The following NCK1 variants were observed in gnomAD, a reference collection of about 807,000 sequenced individuals.
The protein encoded by NCK1 is SH2/SH3 adapter protein NCK1.
NCK1 carries 19 observed loss-of-function variants against 36.6 expected under a neutral mutation model. The observed-to-expected ratio is 0.52, with a 90% confidence interval of 0.36 to 0.76. NCK1 has a LOEUF of 0.76. Ranked by LOEUF, NCK1 falls within the 30% of genes least tolerant of loss-of-function variation. NCK1 has a pLI of 0.00. For synonymous variants in NCK1, 165 were observed against 156.0 expected, an observed-to-expected ratio of 1.06 and a Z score of -0.43; for missense variants, 358 against 445.6, an observed-to-expected ratio of 0.80 and a Z score of 1.77.
chr3:136,898,108 G>C (rs1939436960), intron 1 of NCK1, among the ~76,000 whole-genome samples: 1 of 152,084 alleles, frequency 6.6e-6, no homozygotes, highest in Non-Finnish European at 1.5e-5. Flanking sequence ...GAAGCAGGTG[G>C]CTGTTGGTGG....
chr3:136,898,789 G>C (rs1341536859), intron 1 of NCK1, among the ~76,000 whole-genome samples: 1 of 152,164 alleles, frequency 6.6e-6, no homozygotes, highest in East Asian at 1.9e-4. Flanking sequence ...AGAAAAGAAC[G>C]GCATGTGATG....
At chr3:136,877,208 AT>A (rs1486509620) in intron 1 of NCK1, among the ~76,000 whole-genome samples, 1 of 152,208 alleles carries the variant, frequency 6.6e-6, no homozygotes, top group African/African-American at 2.4e-5. Context: ...CAGAATGCAG[AT>A]TGTTTTTAAG....
chr3:136,929,653 C>T (rs1560050571), intron 2 of NCK1, among the ~76,000 whole-genome samples: 1 of 152,152 alleles, frequency 6.6e-6, no homozygotes, highest in Non-Finnish European at 1.5e-5. Flanking sequence ...AAGGTAATTT[C>T]TGTCAAGAAA....
chr3:136,912,041 A>G (rs1362824692), intron 1 of NCK1, among the ~76,000 whole-genome samples: 1 of 151,818 alleles, frequency 6.6e-6, no homozygotes, highest in African/African-American at 2.4e-5. Flanking sequence ...TTTTGGATAG[A>G]TTATAATGTG....
chr3:136,913,053 C>T (rs1174625644), intron 1 of NCK1, among the ~76,000 whole-genome samples: 1 of 152,014 alleles, frequency 6.6e-6, no homozygotes, highest in Non-Finnish European at 1.5e-5. Flanking sequence ...TCTTTGAACA[C>T]CTTTAAGGTA....
At chr3:136,935,713 T>G (rs931215792) in intron 2 of NCK1, among the ~76,000 whole-genome samples, 3 of 152,236 alleles carry the variant, frequency 2.0e-5, no homozygotes, top group Non-Finnish European at 4.4e-5. Context: ...AATTTTTTTA[T>G]GAGGTAAAAT....
chr3:136,904,703 C>T (rs1199176474), intron 1 of NCK1, among the ~76,000 whole-genome samples: 1 of 152,102 alleles, frequency 6.6e-6, no homozygotes, highest in East Asian at 1.9e-4. Flanking sequence ...TGTTGCTAGA[C>T]TTGGAAAATT....
At chr3:136,918,549 A>G (rs867277308) in intron 1 of NCK1, among the ~76,000 whole-genome samples, 1 of 152,202 alleles carries the variant, frequency 6.6e-6, no homozygotes, top group South Asian at 2.1e-4. Context: ...GGAGGAGGAA[A>G]CTGGCACTGA....
chr3:136,885,023 G>T (rs899338650), intron 1 of NCK1, among the ~76,000 whole-genome samples: 2 of 151,992 alleles, frequency 1.3e-5, no homozygotes, highest in Non-Finnish European at 2.9e-5. Flanking sequence ...GCCTGCTGAA[G>T]TTCTTATGTT....
chr3:136,936,389 T>C (rs552509332), intron 2 of NCK1, among the ~76,000 whole-genome samples: 1 of 152,348 alleles, frequency 6.6e-6, no homozygotes, highest in South Asian at 2.1e-4. Context: ...TATCCACTCA[T>C]CTGTTCATAG....
chr3:136,948,450 A>G lies in NCK1; in HGVS notation c.1131A>G (p.Ser377=), dbSNP rs1940886586. The change falls in exon 4 of 4, where the codon TCA becomes TCG. Residue 377 remains serine (S), a synonymous_variant. Coordinates refer to ENST00000481752, the MANE Select transcript of NCK1 (RefSeq NM_001291999.2). The part of the protein sequence containing the change: ...GEKLYLVKHL[S] Reference sequence around the variant, plus strand: ...AATTATATCTTGTCAAGCATTTATCATGATACTGCTGACCAGAAGTGACTG... The same window carrying G: ...AATTATATCTTGTCAAGCATTTATCGTGATACTGCTGACCAGAAGTGACTG... The G allele has an allele frequency of 1.9e-6, 3 of 1,610,956 alleles. No individual in the cohort carries two copies. Among genetic ancestry groups the G allele is most frequent in the African/African-American group, 1.3e-5 (1 of 74,810 alleles).
intron 1 of NCK1, among the ~76,000 whole-genome samples, chr3:136,890,523 G>A (rs998716636): frequency 3.3e-5 from 5 of 152,248 alleles, no homozygotes; most frequent in Non-Finnish European, 5.9e-5. Context: ...TGCCAAGAGC[G>A]AGCGAGGGCT....
At chr3:136,937,947 G>T (rs1241294862) in intron 2 of NCK1, among the ~76,000 whole-genome samples, 1 of 78,422 alleles carries the variant, frequency 1.3e-5, no homozygotes, top group East Asian at 7.9e-4. Flanking sequence ...AATAAAAGTG[G>T]TGGAAGGAGA....
At chr3:136,885,587 GAGCCAC>G (rs1474724578) in intron 1 of NCK1, among the ~76,000 whole-genome samples, 1 of 152,168 alleles carries the variant, frequency 6.6e-6, no homozygotes, top group East Asian at 1.9e-4. Context: ...TTACAGGTGT[GAGCCAC>G]AGCACCCAGC....
chr3:136,864,293 C>A (rs1156357520), intron 1 of NCK1, among the ~76,000 whole-genome samples: 2 of 149,506 alleles, frequency 1.3e-5, no homozygotes, highest in African/African-American at 4.9e-5. Context: ...GAGATCGAGA[C>A]CAGCCTGGCC....
rs565038201 is a variant in NCK1, at chr3:136,893,186, A to G, written c.-19+30833A>G. Among the ~76,000 whole-genome samples, 111 of 10,890 alleles carry G rather than the reference A, an allele frequency of 0.01. 15 individuals are homozygous for G. The East Asian group carries it at 0.27, about 26-fold the overall frequency. The allele number at this position is 10,890 out of a possible 152,430, so 7.1% of individuals were successfully genotyped here. A position where few individuals can be genotyped will look rare whatever the true frequency, so the allele number is the denominator to read the frequency against. ...TGTGTGTGTGTGTGTGTGTATATAT[A>G]TATATACACACATGTGCAAGTATCT... is the stretch of plus-strand genomic sequence containing the variant. On this transcript the variant is annotated intron_variant, in intron 1 of 3. Coordinates refer to ENST00000481752, the MANE Select transcript of NCK1 (RefSeq NM_001291999.2).
intron 1 of NCK1, among the ~76,000 whole-genome samples, chr3:136,911,565 G>A (rs1446244494): frequency 1.3e-5 from 2 of 151,920 alleles, no homozygotes; most frequent in African/African-American, 2.4e-5. Context: ...CAAGTCTTTT[G>A]CCTATTCTAA....
intron 1 of NCK1, among the ~76,000 whole-genome samples, chr3:136,889,657 C>T (rs1939181019): frequency 1.3e-5 from 2 of 152,032 alleles, no homozygotes; most frequent in South Asian, 2.1e-4. Context: ...CTGATTGGTG[C>T]GTTTACAATC....
chr3:136,920,952 C>G (rs1364435181), intron 1 of NCK1, among the ~76,000 whole-genome samples: 1 of 152,018 alleles, frequency 6.6e-6, no homozygotes, highest in Non-Finnish European at 1.5e-5. Flanking sequence ...TGAATTTTGT[C>G]CCTTCAAAAA....
Sources: gnomAD v4.1 joint callset for allele counts (sites outside exome capture counted in the v4.1 genomes callset) on GRCh38, gnomAD v4.1.1 for gene constraint, MANE v1.5 for transcripts, NCBI Gene and HGNC (gene_info 2026-07-23, HGNC 2026-07-21) for gene names.